XKR9: variants seen among roughly 807,000 people sequenced by gnomAD.
The protein encoded by XKR9 is XK-related protein 9.
A neutral mutation model predicts 32.0 loss-of-function variants in XKR9; 32 were observed. That is an observed-to-expected ratio of 1.00 (90% CI 0.76 to 1.34). The LOEUF (loss-of-function observed/expected upper bound fraction) is 1.34, where lower values mean the gene tolerates loss of function less well. Ranked by LOEUF, XKR9 falls within the 40% of genes most tolerant of loss-of-function variation. XKR9 has a pLI of 0.00. For missense variants in XKR9, 546 were observed against 429.7 expected, an observed-to-expected ratio of 1.27 and a Z score of -2.39; for synonymous variants, 168 against 143.4, an observed-to-expected ratio of 1.17 and a Z score of -1.22.
At chr8:70,877,733 A>G in the XKR9 span, among the ~76,000 whole-genome samples, 2 of 152,182 alleles carry the variant, frequency 1.3e-5, no homozygotes, top group Non-Finnish European at 2.9e-5. Context: ...GTTGGAAAAC[A>G]CTCTGCAGGA....
At chr8:70,857,789 TAG>T in the XKR9 span, among the ~76,000 whole-genome samples, 79 of 152,288 alleles carry the variant, frequency 5.2e-4, no homozygotes, top group Non-Finnish European at 9.3e-4. Context: ...GCTTCATCCC[TAG>T]GATGCAAGGC....
At chr8:70,975,922 C>T in the XKR9 span, among the ~76,000 whole-genome samples, 1 of 152,118 alleles carries the variant, frequency 6.6e-6, no homozygotes, top group South Asian at 2.1e-4. Context: ...TTTCGTTGAG[C>T]AGTGGTTTTT....
At chr8:70,983,368 G>A in the XKR9 span, among the ~76,000 whole-genome samples, 17 of 152,124 alleles carry the variant, frequency 1.1e-4, no homozygotes, top group South Asian at 2.1e-4. Flanking sequence ...ACCACTTGAC[G>A]CAGCCTGTTA....
intron 2 of XKR9, among the ~76,000 whole-genome samples, chr8:70,777,068 A>G (rs1162764701): frequency 2.6e-5 from 4 of 151,140 alleles, no homozygotes; most frequent in Non-Finnish European, 5.9e-5. Context: ...TCAACTTGTT[A>G]TTTACATTAG....
intron 2 of XKR9, among the ~76,000 whole-genome samples, chr8:70,767,253 A>G (rs1807390106): frequency 6.6e-6 from 1 of 152,154 alleles, no homozygotes; most frequent in South Asian, 2.1e-4. Context: ...TTGGTAGGCT[A>G]TTAATTATTG....
At chr8:70,700,903 C>G (rs1183625526) in intron 3 of XKR9, among the ~76,000 whole-genome samples, 1 of 152,228 alleles carries the variant, frequency 6.6e-6, no homozygotes, top group South Asian at 2.1e-4. Flanking sequence ...GCACCCCTCC[C>G]CCAGCCTTGC....
chr8:70,868,245 G>GGT, the XKR9 span, among the ~76,000 whole-genome samples: 1 of 152,182 alleles, frequency 6.6e-6, no homozygotes, highest in Non-Finnish European at 1.5e-5. Flanking sequence ...AGTTCCACTA[G>GGT]GTGGTTCCCC....
the XKR9 span, among the ~76,000 whole-genome samples, chr8:70,842,474 C>A: frequency 6.6e-6 from 1 of 151,754 alleles, no homozygotes; most frequent in African/African-American, 2.4e-5. Context: ...GGGTTAATTG[C>A]TATTCAGTGT....
At chr8:70,754,662 A>G (rs556741934) in intron 2 of XKR9, among the ~76,000 whole-genome samples, 2,697 of 151,560 alleles carry the variant, frequency 0.018, 71 homozygotes, top group African/African-American at 0.062. Context: ...AGCAATGGGG[A>G]AAGGATTCCC....
At chr8:70,685,841 A>T (rs981843004) in intron 3 of XKR9, among the ~76,000 whole-genome samples, 14 of 151,808 alleles carry the variant, frequency 9.2e-5, no homozygotes, top group Non-Finnish European at 1.8e-4. Context: ...ATATGTAACT[A>T]ACCTGCATAT....
intron 3 of XKR9, among the ~76,000 whole-genome samples, chr8:70,687,191 A>G (rs1422631096): frequency 6.6e-6 from 1 of 152,136 alleles, no homozygotes; most frequent in African/African-American, 2.4e-5. Flanking sequence ...CCAATGTATG[A>G]GTGAGAACAT....
the XKR9 span, among the ~76,000 whole-genome samples, chr8:70,963,077 G>C: frequency 6.6e-6 from 1 of 152,104 alleles, no homozygotes. Context: ...CATCACCCAG[G>C]TATTAAACCC....
chr8:70,956,851 GGGT>G, the XKR9 span, among the ~76,000 whole-genome samples: 2 of 152,232 alleles, frequency 1.3e-5, no homozygotes, highest in Non-Finnish European at 2.9e-5. Flanking sequence ...CAAGCCTGCA[GGGT>G]CAGGGGGCTT....
chr8:70,947,920 C>A, the XKR9 span, among the ~76,000 whole-genome samples: 1 of 152,100 alleles, frequency 6.6e-6, no homozygotes, highest in African/African-American at 2.4e-5. Flanking sequence ...TAGTTTGCAT[C>A]CTTTATGATT....
chr8:70,880,525 G>T, the XKR9 span, among the ~76,000 whole-genome samples: 2 of 152,088 alleles, frequency 1.3e-5, no homozygotes, highest in Non-Finnish European at 2.9e-5. Context: ...ATTCAGAATT[G>T]CTACAAAGAG....
At chr8:70,908,100 A>G in the XKR9 span, among the ~76,000 whole-genome samples, 1 of 152,204 alleles carries the variant, frequency 6.6e-6, no homozygotes, top group Non-Finnish European at 1.5e-5. Context: ...CATTTAAAAA[A>G]AGTTTCCAGT....
the XKR9 span, among the ~76,000 whole-genome samples, chr8:71,050,534 A>G: frequency 1.1e-4 from 17 of 152,096 alleles, no homozygotes; most frequent in African/African-American, 4.1e-4. Context: ...TTAAGACAGC[A>G]GGAGCTTGGA....
At chr8:70,889,769 G>A in the XKR9 span, among the ~76,000 whole-genome samples, 1 of 151,962 alleles carries the variant, frequency 6.6e-6, no homozygotes, top group Non-Finnish European at 1.5e-5. Flanking sequence ...TTTTATGGCT[G>A]TGTAGTATTC....
chr8:70,744,857 C>T (rs1371399927), intron 2 of XKR9, among the ~76,000 whole-genome samples: 4 of 150,054 alleles, frequency 2.7e-5, no homozygotes, highest in East Asian at 3.8e-4. Flanking sequence ...CTACCTGCCT[C>T]GGCCTCCCAA....
Sources: gnomAD v4.1 joint callset for allele counts (sites outside exome capture counted in the v4.1 genomes callset) on GRCh38, gnomAD v4.1.1 for gene constraint, MANE v1.5 for transcripts, NCBI Gene and HGNC (gene_info 2026-07-23, HGNC 2026-07-21) for gene names.